The following LRRC74A variants were observed in gnomAD, a reference collection of about 807,000 sequenced individuals.
LRRC74A encodes the protein leucine-rich repeat-containing protein 74A.
LRRC74A carries 44 observed loss-of-function variants against 57.9 expected under a neutral mutation model. The ratio of observed to expected loss-of-function variants is 0.76; its 90% CI spans 0.60 to 0.98. The LOEUF is 0.98. Ranked by LOEUF, LRRC74A falls within the 50% of genes least tolerant of loss-of-function variation. The probability of loss-of-function intolerance (pLI) is 0.00; values close to 1 mark genes in which losing one functional copy is unlikely to be tolerated. For synonymous variants in LRRC74A, 211 were observed against 219.4 expected, an observed-to-expected ratio of 0.96 and a Z score of 0.34; for missense variants, 572 against 574.0, an observed-to-expected ratio of 1.00 and a Z score of 0.04.
chr14:76,853,891 T>C (rs923128915), intron 9 of LRRC74A, among the ~76,000 whole-genome samples: 35 of 152,200 alleles, frequency 2.3e-4, no homozygotes, highest in African/African-American at 7.7e-4. Flanking sequence ...GTGCTGGGAT[T>C]ACAGGCATGA....
In LRRC74A at chr14:76,844,882, G is replaced by A; in HGVS notation, c.657G>A (p.Glu219=). The A allele has an allele frequency of 6.3e-7, 1 of 1,585,150 alleles. No homozygotes were observed. The highest frequency in any genetic ancestry group is 1.7e-5 in the Admixed American group (1 of 59,964). ...SHNQFSDVGG[E]HLGQMLAINV... ...ACCAATTCTCTGATGTAGGAGGGGA[G>A]CACCTGGGCCAGATGCTGGGTGAGT... The change falls in exon 7 of 14, where the codon GAG becomes GAA. Residue 219 remains glutamate, a synonymous_variant. Transcript: ENST00000689127.
At chr14:76,853,455 G>T in intron 9 of LRRC74A, 45 bp downstream of exon 9, 3 of 1,440,190 alleles carry the variant, frequency 2.1e-6, no homozygotes, top group Admixed American at 2.2e-5. Flanking sequence ...GTGTGTGTGT[G>T]TGTGTGTTTG....
rs1899018124 is a variant in LRRC74A at position 76,867,387 on chromosome 14, T to C, written c.1340T>C (p.Val447Ala). 6.3e-7 allele frequency: 1 copy of C among 1,599,916 alleles called. No individual in the cohort carries two copies. Among genetic ancestry groups the C allele is most frequent in the Non-Finnish European group, 8.6e-7 (1 of 1,168,464 alleles). Reference sequence around the variant, plus strand: ...AAGGTCCCCCTGAACCAGTACCAGGTCAGGGAGGTGATAAAGAAGCTCGAT... The same window carrying C: ...AAGGTCCCCCTGAACCAGTACCAGGCCAGGGAGGTGATAAAGAAGCTCGAT... The part of the protein sequence containing the change: ...QNKVPLNQYQ[V>A]REVIKKLDEK... Residue 447 changes from valine (V) to alanine (A), a missense_variant, in exon 13 of 14, where the codon GTC becomes GCC. Val to Ala is a moderately conservative substitution (Grantham distance 64). Transcript: ENST00000689127.
intron 7 of LRRC74A, 58 bp downstream of exon 7, chr14:76,844,959 C>A: frequency 1.2e-6 from 1 of 854,906 alleles, no homozygotes; most frequent in Non-Finnish European, 2.0e-6. Flanking sequence ...AATCACTTGG[C>A]AGAGCGGAAT....
chr14:76,857,347 C>T (rs1047056952), intron 9 of LRRC74A, 33 bp from the exon 10 acceptor site: 2 of 1,433,834 alleles, frequency 1.4e-6, no homozygotes. Context: ...CCTCCCATCT[C>T]AGCCTCCTCT....
intron 11 of LRRC74A, among the ~76,000 whole-genome samples, chr14:76,864,135 G>A (rs1003916787): frequency 6.6e-6 from 1 of 152,236 alleles, no homozygotes; most frequent in Non-Finnish European, 1.5e-5. Context: ...CTCAGCAGCA[G>A]TGTGCTGCTT....
chr14:76,860,220 T>TC (rs781070713), intron 10 of LRRC74A, among the ~76,000 whole-genome samples: 2 of 152,198 alleles, frequency 1.3e-5, no homozygotes, highest in Non-Finnish European at 2.9e-5. Context: ...ACACATTTTC[T>TC]CCCATGTCCT....
intron 5 of LRRC74A, 79 bp downstream of exon 5, chr14:76,838,050 T>A: frequency 4.3e-6 from 4 of 923,286 alleles, no homozygotes; most frequent in Non-Finnish European, 6.7e-6. Flanking sequence ...ATTCAATGTC[T>A]CATTGAACCA....
intron 5 of LRRC74A, among the ~76,000 whole-genome samples, chr14:76,841,262 G>A (rs1006122900): frequency 1.3e-5 from 2 of 151,964 alleles, no homozygotes; most frequent in African/African-American, 2.4e-5. Flanking sequence ...GGCTGGTCTC[G>A]AACTCCTGAC....
At chr14:76,858,713 G>C (rs1898076504) in intron 10 of LRRC74A, among the ~76,000 whole-genome samples, 1 of 152,110 alleles carries the variant, frequency 6.6e-6, no homozygotes, top group Admixed American at 6.5e-5. Flanking sequence ...TCAGCCTCCA[G>C]AGTATCTGGG....
At chr14:76,868,275 C>T (rs755964895) in intron 13 of LRRC74A, among the ~76,000 whole-genome samples, 1 of 152,092 alleles carries the variant, frequency 6.6e-6, no homozygotes, top group Non-Finnish European at 1.5e-5. Context: ...CAAGCCTGGG[C>T]AAGATAGCAA....
chr14:76,846,793 G>A (rs78908056), intron 7 of LRRC74A, among the ~76,000 whole-genome samples: 1,967 of 150,362 alleles, frequency 0.013, 23 homozygotes, highest in Non-Finnish European at 0.021. Context: ...TAGGAGCCCC[G>A]TTTTCCATTT....
intron 2 of LRRC74A, among the ~76,000 whole-genome samples, chr14:76,829,550 C>T (rs1895827429): frequency 6.6e-6 from 1 of 152,174 alleles, no homozygotes; most frequent in Non-Finnish European, 1.5e-5. Context: ...ATCTCATTCC[C>T]CCATCTCTTC....
At chr14:76,853,463 T>TGTGTGTC in intron 9 of LRRC74A, 53 bp downstream of exon 9, 1 of 278,088 alleles carries the variant, frequency 3.6e-6, no homozygotes, top group Admixed American at 8.5e-5. Flanking sequence ...GTGTGTGTGT[T>TGTGTGTC]TGTGTATGTG....
At chr14:76,866,813 T>C (rs1293435803) in intron 12 of LRRC74A, among the ~76,000 whole-genome samples, 1 of 151,382 alleles carries the variant, frequency 6.6e-6, no homozygotes, top group Non-Finnish European at 1.5e-5. Flanking sequence ...CAATGACCCA[T>C]GGGCAGGGAG....
At position 76,866,206 on chromosome 14, in the gene LRRC74A, A is replaced by G. The variant is rs13379451; in HGVS notation, c.1308+131A>G. On this transcript the variant is annotated intron_variant, in intron 12 of 13. Transcript: ENST00000689127. ...TTCCTAGAGCTTCCTGGGACAGGCT[A>G]TGGGACACTCCCCTCATTTATCTAG... is the stretch of plus-strand genomic sequence containing the variant. 1.4e-5 allele frequency: 10 copies of G among 696,796 alleles called. No homozygotes were observed. The Admixed American group carries it at 2.2e-4, about 15-fold the overall frequency. 43.2% of individuals were successfully genotyped at this position (696,796 alleles called of 1,614,324 possible).
chr14:76,844,411 C>T lies in LRRC74A; in HGVS notation c.545-12C>T. ...CTAGCAGTGCATCACTGACACACCA[C>T]CCTCACTACAGGAAATGACTTCAAG... is the stretch of plus-strand genomic sequence containing the variant. On this transcript the variant is annotated splice_polypyrimidine_tract_variant and intron_variant, in intron 5 of 13. Coordinates refer to ENST00000689127, the MANE Select transcript of LRRC74A (RefSeq NM_001385106.1). The T allele has an allele frequency of 6.2e-7, 1 of 1,611,782 alleles. No homozygotes were observed. Among genetic ancestry groups the T allele is most frequent in the Non-Finnish European group, 8.5e-7 (1 of 1,178,984 alleles).
At chr14:76,845,428 C>T (rs746367778) in intron 7 of LRRC74A, among the ~76,000 whole-genome samples, 20 of 152,148 alleles carry the variant, frequency 1.3e-4, no homozygotes, top group East Asian at 1.9e-4. Context: ...TAAAACTTTA[C>T]GATGATTAGA....
intron 5 of LRRC74A, among the ~76,000 whole-genome samples, chr14:76,839,885 C>A (rs1355799950): frequency 1.3e-5 from 2 of 152,070 alleles, no homozygotes; most frequent in Non-Finnish European, 2.9e-5. Context: ...TGCCCGCCAC[C>A]ACACCCAGCT....
Sources: allele counts gnomAD v4.1 joint callset (sites outside exome capture counted in the v4.1 genomes callset), GRCh38; gene constraint gnomAD v4.1.1; transcripts MANE v1.5; gene names NCBI Gene and HGNC (gene_info 2026-07-23, HGNC 2026-07-21).